NDUFV1: variants seen among roughly 807,000 people sequenced by gnomAD.
NDUFV1 encodes the protein NADH dehydrogenase [ubiquinone] flavoprotein 1, mitochondrial.
Under a neutral mutation model 48.7 loss-of-function variants are expected in NDUFV1, and 41 were observed. The observed-to-expected ratio is 0.84, with a 90% CI of 0.66 to 1.09. NDUFV1 has a LOEUF of 1.09. Ranked by LOEUF, NDUFV1 falls within the 50% of genes least tolerant of loss-of-function variation. The pLI is 0.00. For missense variants in NDUFV1, 580 were observed against 645.4 expected, an observed-to-expected ratio of 0.90 and a Z score of 1.10; for synonymous variants, 231 against 259.1, an observed-to-expected ratio of 0.89 and a Z score of 1.04.
chr11:67,610,921 T>C, intron 5 of NDUFV1, 74 bp from the exon 6 acceptor site: 1 of 1,454,544 alleles, frequency 6.9e-7, no homozygotes, highest in South Asian at 1.1e-5. Flanking sequence ...TGCAGGACCC[T>C]GGGACACACC....
In NDUFV1 at chr11:67,612,085, G is replaced by C. The variant is rs761339444; in HGVS notation, c.1163-35G>C. ...CGCCGCCCCACATCCTGGCTGGGGA[G>C]ATCATCAGGCCCTCTCTTGTGGCTG... On this transcript the variant is annotated intron_variant, in intron 8 of 9. Coordinates refer to ENST00000322776, the MANE Select transcript of NDUFV1 (RefSeq NM_007103.4). The surrounding 1 kb of genome is among the most constrained non-coding windows in gnomAD (Gnocchi z 4.4). The C allele has an allele frequency of 6.2e-7, 1 of 1,613,584 alleles. No individual in the cohort carries two copies. The highest frequency in any genetic ancestry group is 8.5e-7 in the Non-Finnish European group (1 of 1,179,982).
In NDUFV1 at chr11:67,611,692, G is replaced by A; in HGVS notation, c.1080+123G>A. On this transcript the variant is annotated intron_variant, in intron 7 of 9. Transcript: ENST00000322776. This position sits in a 1 kb window ranked among gnomAD's most constrained non-coding sequence, Gnocchi z 4.2. ...GTTCCTGCAGCCTGAGATAAAGCAAGGTGGAAGAGGAGGGAGGAAGGCTGC... is the reference window on the plus strand; with the variant it reads ...GTTCCTGCAGCCTGAGATAAAGCAAAGTGGAAGAGGAGGGAGGAAGGCTGC... 1 of 1,466,712 alleles carries A rather than the reference G, an allele frequency of 6.8e-7. No individual in the cohort carries two copies. The highest frequency in any genetic ancestry group is 9.3e-7 in the Non-Finnish European group (1 of 1,078,182). The allele number at this position is 1,466,712 out of a possible 1,614,324, so 90.9% of individuals were successfully genotyped here.
intron 1 of NDUFV1, 96 bp from the exon 2 acceptor site, chr11:67,608,300 C>T (rs935072471): frequency 6.1e-5 from 71 of 1,155,280 alleles, no homozygotes; most frequent in Middle Eastern, 6.1e-4. Context: ...CTAGCCCAGC[C>T]CCTCCTAAAT....
intron 1 of NDUFV1, chr11:67,607,420 T>G: frequency 1.9e-6 from 1 of 515,378 alleles, no homozygotes; most frequent in Non-Finnish European, 3.8e-6. Flanking sequence ...ACCTCCTGAT[T>G]TCCCGTCCAC....
At chr11:67,607,361 C>T in intron 1 of NDUFV1, 1 of 626,436 alleles carries the variant, frequency 1.6e-6, no homozygotes, top group Non-Finnish European at 3.0e-6. Context: ...CTCTCCTTGT[C>T]ACAGCCTTGT....
chr11:67,606,990 A>G lies in NDUFV1; in HGVS notation c.-15A>G, dbSNP rs894280971. ...TGAAGGTGACAGCGTGAGGTGACCC[A>G]TCTGGCCCGCCGCGATGCTGGCAAC... is the stretch of plus-strand genomic sequence containing the variant. On this transcript the variant is annotated 5_prime_UTR_variant, in exon 1 of 10. Transcript: ENST00000322776. The G allele has an allele frequency of 1.9e-6, 3 of 1,608,310 alleles. No homozygotes were observed. The highest frequency in any genetic ancestry group is 2.7e-5 in the African/African-American group (2 of 74,876).
In NDUFV1 at chr11:67,611,844, G is replaced by A; in HGVS notation, c.1081-53G>A. The A allele has an allele frequency of 1.2e-5, 19 of 1,598,786 alleles. No homozygotes were observed. Among genetic ancestry groups the A allele is most frequent in the Non-Finnish European group, 1.6e-5 (19 of 1,166,698 alleles). On this transcript the variant is annotated intron_variant, in intron 7 of 9. Coordinates refer to ENST00000322776, the MANE Select transcript of NDUFV1 (RefSeq NM_007103.4). The surrounding 1 kb of genome is among the most constrained non-coding windows in gnomAD (Gnocchi z 4.2). ...GAGGGGCTGCTGCTAGGGGGCTGAG[G>A]CCCAGGCTTCTGTCTGGCCGTGGGT...
chr11:67,607,682 G>C, intron 1 of NDUFV1: 1 of 354,802 alleles, frequency 2.8e-6, no homozygotes, highest in Non-Finnish European at 5.6e-6. Flanking sequence ...GGCCGGGAAA[G>C]GGCCAAGCTG....
intron 4 of NDUFV1, 145 bp downstream of exon 4, chr11:67,609,780 C>A: frequency 1.1e-6 from 1 of 926,918 alleles, no homozygotes; most frequent in Non-Finnish European, 1.7e-6. Flanking sequence ...GCATGCATCC[C>A]AAATGGGACT....
At position 67,607,059 on chromosome 11, in the gene NDUFV1, C is replaced by T. The variant is rs753061638; in HGVS notation, c.55C>T (p.Arg19Cys). Residue 19 changes from arginine (R) to cysteine (C), a missense_variant, in exon 1 of 10, where the codon CGT becomes TGT. Transcript: ENST00000322776. Reference protein sequence around the residue: ...GWSLPARVSVRFSGDTTAPKK... With the variant: ...GWSLPARVSVCFSGDTTAPKK... ...GTCGCTTCCCGCGCGGGTATCTGTG[C>T]GTTTCAGCGGCGACACGGTGAGGCC... The T allele has an allele frequency of 5.6e-6, 9 of 1,608,190 alleles. 1 individual carries two copies. In the Admixed American group the frequency reaches 1.5e-4, roughly 27 times the overall value.
rs1854921458 is a variant in NDUFV1, at chr11:67,611,819, G to A, written c.1081-78G>A. ...CTGGGAAGAGCTTCTGGAACTGGGG[G>A]AGGGGCTGCTGCTAGGGGGCTGAGG... On this transcript the variant is annotated intron_variant, in intron 7 of 9. Transcript: ENST00000322776. This position sits in a 1 kb window ranked among gnomAD's most constrained non-coding sequence, Gnocchi z 4.2. The A allele has an allele frequency of 6.4e-7, 1 of 1,558,060 alleles. No individual in the cohort carries two copies. The highest frequency in any genetic ancestry group is 8.8e-7 in the Non-Finnish European group (1 of 1,131,844).
At chr11:67,607,335 C>T (rs1484418480) in intron 1 of NDUFV1, 11 of 670,576 alleles carry the variant, frequency 1.6e-5, no homozygotes, top group Admixed American at 6.1e-5. Flanking sequence ...GTTGTGAAGA[C>T]CCCTAGTCTT....
Position 67,611,594 on chromosome 11 carries a change from G to T in NDUFV1, c.1080+25G>T. 1.3e-6 allele frequency: 2 copies of T among 1,590,630 alleles called. No individual in the cohort carries two copies. The highest frequency in any genetic ancestry group is 2.3e-5 in the South Asian group (2 of 88,100). On this transcript the variant is annotated intron_variant, in intron 7 of 9. Coordinates refer to ENST00000322776, the MANE Select transcript of NDUFV1 (RefSeq NM_007103.4). This position sits in a 1 kb window ranked among gnomAD's most constrained non-coding sequence, Gnocchi z 4.2. ...GGTAAGGGTTCACACACCAGCCCTG[G>T]TCCCTGCCCTCCTGGTTGCTGTCTC...
At chr11:67,609,670 G>A (rs1854877470) in intron 4 of NDUFV1, 35 bp downstream of exon 4, 1 of 1,595,626 alleles carries the variant, frequency 6.3e-7, no homozygotes, top group Non-Finnish European at 8.5e-7. Context: ...ATGAGAAGGT[G>A]TTCAGTGTGC....
At chr11:67,608,352 T>C (rs1369151541) in intron 1 of NDUFV1, 44 bp from the exon 2 acceptor site, 1 of 1,559,960 alleles carries the variant, frequency 6.4e-7, no homozygotes, top group African/African-American at 1.4e-5. Flanking sequence ...CAATCCCTCA[T>C]GGCCCCAGAG....
chr11:67,611,131 T>C lies in NDUFV1; in HGVS notation c.837T>C (p.Ser279=). 1 of 1,613,860 alleles carries C rather than the reference T, an allele frequency of 6.2e-7. No individual in the cohort carries two copies. Among genetic ancestry groups the C allele is most frequent in the South Asian group, 1.1e-5 (1 of 91,076 alleles). The change falls in exon 6 of 10, where the codon TCT becomes TCC. Residue 279 remains serine (S), a synonymous_variant. Coordinates refer to ENST00000322776, the MANE Select transcript of NDUFV1 (RefSeq NM_007103.4). This position sits in a 1 kb window ranked among gnomAD's most constrained non-coding sequence, Gnocchi z 4.2. ...RNSGTKLFNI[S]GHVNHPCTVE... is the part of the protein sequence containing the mutation. ...CAGGCACCAAACTATTCAACATCTC[T>C]GGCCATGTCAACCACCCTTGCACTG...
Position 67,611,030 on chromosome 11 carries a change from G to T in NDUFV1, c.736G>T (p.Glu246Ter). The change falls in exon 6 of 10, where the codon GAG becomes TAG. Residue 246 changes from glutamate (E) to a stop codon, truncating the protein, a stop_gained. Coordinates refer to ENST00000322776, the MANE Select transcript of NDUFV1 (RefSeq NM_007103.4). LOFTEE classifies it high-confidence loss of function. This position sits in a 1 kb window ranked among gnomAD's most constrained non-coding sequence, Gnocchi z 4.2. ...FGCPTTVANV[E>*]TVAVSPTICR... The stretch of plus-strand genomic sequence containing the variant: ...CTGCCCCACAACTGTGGCCAACGTG[G>T]AGACAGTGGCAGTGTCCCCCACAAT... 2.5e-6 allele frequency: 4 copies of T among 1,614,226 alleles called. No individual in the cohort carries two copies. Among genetic ancestry groups the T allele is most frequent in the Non-Finnish European group, 3.4e-6 (4 of 1,180,044 alleles).
rs146910804 is a variant in NDUFV1, at chr11:67,612,382, G to A, written c.1319G>A (p.Arg440His). The change falls in exon 10 of 10, where the codon CGC becomes CAC. Residue 440 changes from arginine (R) to histidine (H), a missense_variant. Physicochemically the swap from Arg to His is conservative, Grantham distance 29. Transcript: ENST00000322776. The surrounding 1 kb of genome is among the most constrained non-coding windows in gnomAD (Gnocchi z 4.4). Reference protein sequence around the residue: ...GAAWPVQGLIRHFRPELEERM... With the variant: ...GAAWPVQGLIHHFRPELEERM... ...CCCCACCGACCCCAGGGTCTGATCC[G>A]CCACTTTCGGCCGGAGCTCGAGGAG... 12 of 1,613,240 alleles carry A rather than the reference G, an allele frequency of 7.4e-6. No homozygotes were observed. The highest frequency in any genetic ancestry group is 6.7e-5 in the Admixed American group (4 of 60,030).
At chr11:67,610,883 G>T in intron 5 of NDUFV1, 112 bp from the exon 6 acceptor site, 1 of 1,029,866 alleles carries the variant, frequency 9.7e-7, no homozygotes, top group Non-Finnish European at 1.5e-6. Flanking sequence ...ATGATAAGGG[G>T]ATATTAGAGC....
Sources: gnomAD v4.1 joint callset for allele counts on GRCh38, gnomAD v4.1.1 for gene constraint, Gnocchi (gnomAD v3.1) non-coding constraint, MANE v1.5 for transcripts, NCBI Gene and HGNC (gene_info 2026-07-23, HGNC 2026-07-21) for gene names.